The following BEND7 variants were observed in gnomAD, a reference collection of about 807,000 sequenced individuals.
The protein encoded by BEND7 is BEN domain-containing protein 7.
BEND7 carries 28 observed loss-of-function variants against 50.9 expected under a neutral mutation model. The observed-to-expected ratio is 0.55, with a 90% CI of 0.41 to 0.75. BEND7 has a LOEUF of 0.75. Ranked by LOEUF, BEND7 falls within the 30% of genes least tolerant of loss-of-function variation. The pLI, the probability that BEND7 is intolerant of heterozygous loss-of-function variation, is 0.00. For synonymous variants in BEND7, 170 were observed against 183.9 expected (o/e 0.92, Z 0.61); for missense variants, 477 against 491.3 (o/e 0.97, Z 0.28).
Position 13,500,005 on chromosome 10 carries a change from T to C in BEND7, c.221A>G (p.Tyr74Cys), listed in dbSNP as rs778317464. 6 of 1,614,210 alleles carry C rather than the reference T, an allele frequency of 3.7e-6. No homozygotes were observed. The highest frequency in any genetic ancestry group is 2.2e-5 in the East Asian group (1 of 44,886). Residue 74 changes from tyrosine (Y) to cysteine (C), a missense_variant, in exon 3 of 9, where the codon TAT becomes TGT. Coordinates refer to ENST00000466271, the MANE Select transcript of BEND7 (RefSeq NM_001369863.1). ...CTCTCCTTCTTTGCCAACTCGCTGATAGATCCGCCCAGTGCTGTCGTTCAG... is the reference window on the plus strand; with the variant it reads ...CTCTCCTTCTTTGCCAACTCGCTGACAGATCCGCCCAGTGCTGTCGTTCAG... ...RLLNDSTGRIYQRVGKEGEKL... is the reference protein window; with the variant it reads ...RLLNDSTGRICQRVGKEGEKL...
chr10:13,467,550 C>CT (rs992938598), intron 6 of BEND7, among the ~76,000 whole-genome samples: 1 of 152,122 alleles, frequency 6.6e-6, no homozygotes, highest in Non-Finnish European at 1.5e-5. Context: ...ACAAACTTGG[C>CT]TTTTTTATTT....
chr10:13,456,569 C>T (rs12268558), intron 6 of BEND7, among the ~76,000 whole-genome samples: 6,657 of 152,134 alleles, frequency 0.044, 417 homozygotes, highest in African/African-American at 0.14. Flanking sequence ...AGAAAATCAA[C>T]CAGGTTGCCC....
At chr10:13,511,952 CG>C (rs1342315293) in intron 2 of BEND7, among the ~76,000 whole-genome samples, 1 of 152,130 alleles carries the variant, frequency 6.6e-6, no homozygotes, top group Non-Finnish European at 1.5e-5. Flanking sequence ...ACTATCAAGC[CG>C]GTGTCCAGGG....
At chr10:13,488,514 A>C (rs939125101) in intron 5 of BEND7, among the ~76,000 whole-genome samples, 1 of 151,832 alleles carries the variant, frequency 6.6e-6, no homozygotes, top group Non-Finnish European at 1.5e-5. Context: ...TTTGAGATGG[A>C]GTCTTGCTCT....
At chr10:13,452,317 C>G (rs1056247876) in intron 7 of BEND7, among the ~76,000 whole-genome samples, 31 of 152,192 alleles carry the variant, frequency 2.0e-4, no homozygotes, top group African/African-American at 4.6e-4. Flanking sequence ...TTCACTTGTA[C>G]TATTCAATGC....
intron 2 of BEND7, among the ~76,000 whole-genome samples, chr10:13,502,541 T>G (rs2077551109): frequency 6.6e-6 from 1 of 152,166 alleles, no homozygotes; most frequent in African/African-American, 2.4e-5. Flanking sequence ...ATTTACTACT[T>G]TCTCGAGAGG....
At chr10:13,444,518 G>T (rs1835877994) in intron 8 of BEND7, 1 of 152,160 alleles carries the variant, frequency 6.6e-6, no homozygotes, top group South Asian at 2.1e-4. Flanking sequence ...TCTTTAAAAA[G>T]AACTAACTGT....
intron 4 of BEND7, among the ~76,000 whole-genome samples, chr10:13,496,518 T>G (rs559766097): frequency 6.6e-6 from 1 of 152,306 alleles, no homozygotes; most frequent in Admixed American, 6.5e-5. Flanking sequence ...TAGGAGATCA[T>G]GGAATGAAGT....
chr10:13,440,013 T>A (rs1835134598), downstream of BEND7, among the ~76,000 whole-genome samples: 1 of 152,132 alleles, frequency 6.6e-6, no homozygotes, highest in South Asian at 2.1e-4. Context: ...GCAGCTGAAC[T>A]CGGGTGCTGC....
intron 2 of BEND7, among the ~76,000 whole-genome samples, chr10:13,512,322 A>G (rs1479483822): frequency 6.6e-6 from 1 of 152,218 alleles, no homozygotes; most frequent in East Asian, 1.9e-4. Context: ...TAGTTCTACA[A>G]AAGCCAAAGA....
chr10:13,452,645 C>T lies in BEND7; in HGVS notation c.1077G>A (p.Lys359=), dbSNP rs1363527360. 3 of 1,598,658 alleles carry T rather than the reference C, an allele frequency of 1.9e-6. No individual in the cohort carries two copies. The highest frequency in any genetic ancestry group is 1.3e-5 in the African/African-American group (1 of 74,484). ...TATCCACATGGTTAGCTGTACAGTACTTTTCTGTGAAGACTGAAAGAAAAT... is the reference window on the plus strand; with the variant it reads ...TATCCACATGGTTAGCTGTACAGTATTTTTCTGTGAAGACTGAAAGAAAAT... ...IVGAIKVFTE[K]YCTANHVDKL... Residue 359 remains lysine, a synonymous_variant, in exon 7 of 9, where the codon AAG becomes AAA. Coordinates refer to ENST00000466271, the MANE Select transcript of BEND7 (RefSeq NM_001369863.1).
chr10:13,477,648 TA>T (rs1239307906), intron 6 of BEND7, among the ~76,000 whole-genome samples: 2 of 152,248 alleles, frequency 1.3e-5, no homozygotes, highest in Non-Finnish European at 2.9e-5. Flanking sequence ...TATTCAAATT[TA>T]TATTCAATTT....
rs114052246 is a variant in BEND7, at chr10:13,516,821, T to C, written c.145+9317A>G. 8.3e-3 allele frequency among the ~76,000 whole-genome samples: 1,260 copies of C among 152,260 alleles called. 22 individuals carry two copies. The highest frequency in any genetic ancestry group is 0.029 in the African/African-American group (1,213 of 41,526). ...AAAAATGCAAAGAGATCAGGCTAGA[T>C]GATAGCAGGATACATACAGGCTTTG... On this transcript the variant is annotated intron_variant, in intron 2 of 8. Transcript: ENST00000466271.
chr10:13,494,170 G>A (rs969066208), intron 4 of BEND7, among the ~76,000 whole-genome samples: 1 of 152,190 alleles, frequency 6.6e-6, no homozygotes, highest in African/African-American at 2.4e-5. Flanking sequence ...TGTAATCCCA[G>A]CACTTTGGGA....
rs367869914 is a variant in BEND7, at chr10:13,471,731, T to C, written c.1063+9168A>G. 5.3e-5 allele frequency among the ~76,000 whole-genome samples: 8 copies of C among 152,250 alleles called. No individual in the cohort carries two copies. In the East Asian group the frequency reaches 1.2e-3, roughly 22 times the overall value. ...GGCAGCTCAGACAAGGCTACCTTCC[T>C]TCTCACTGATTCCAGGACAGAGGTG... On this transcript the variant is annotated intron_variant, in intron 6 of 8. Coordinates refer to ENST00000466271, the MANE Select transcript of BEND7 (RefSeq NM_001369863.1).
intron 2 of BEND7, among the ~76,000 whole-genome samples, chr10:13,504,906 G>A (rs2077757305): frequency 6.6e-6 from 1 of 152,124 alleles, no homozygotes; most frequent in Non-Finnish European, 1.5e-5. Context: ...TTTACGCAAA[G>A]AATTTATGAC....
At chr10:13,466,793 T>C (rs766244568) in intron 6 of BEND7, among the ~76,000 whole-genome samples, 3 of 152,130 alleles carry the variant, frequency 2.0e-5, no homozygotes, top group Non-Finnish European at 2.9e-5. Context: ...GAAAAAGTCA[T>C]GCGTTTTTCT....
intron 6 of BEND7, chr10:13,459,559 T>C (rs1839790245): frequency 6.6e-6 from 1 of 152,172 alleles, no homozygotes; most frequent in Non-Finnish European, 1.5e-5. Flanking sequence ...TCAAGGCTGG[T>C]TGTTCAGGCA....
intron 2 of BEND7, among the ~76,000 whole-genome samples, chr10:13,517,739 GTC>G (rs978952348): frequency 6.6e-6 from 1 of 152,182 alleles, no homozygotes; most frequent in Non-Finnish European, 1.5e-5. Flanking sequence ...GCGAGAGCCT[GTC>G]TCTGAAAAAT....
Sources: allele counts gnomAD v4.1 joint callset (sites outside exome capture counted in the v4.1 genomes callset), GRCh38; gene constraint gnomAD v4.1.1; transcripts MANE v1.5; gene names NCBI Gene and HGNC (gene_info 2026-07-23, HGNC 2026-07-21).